The following MATN2 variants were observed in gnomAD, a reference collection of about 807,000 sequenced individuals.
The protein encoded by MATN2 is matrilin-2.
A neutral mutation model predicts 103.2 loss-of-function variants in MATN2; 69 were observed. The observed-to-expected ratio is 0.67, with a 90% CI of 0.55 to 0.82. The LOEUF is 0.82. MATN2 is among the 40% of genes least tolerant of loss of function. The pLI is 0.00. For synonymous variants in MATN2, 429 were observed against 450.2 expected, an observed-to-expected ratio of 0.95 and a Z score of 0.60; for missense variants, 1,023 against 1,211.5, an observed-to-expected ratio of 0.84 and a Z score of 2.31.
chr8:97,939,906 T>G (rs1416963243), intron 3 of MATN2, among the ~76,000 whole-genome samples: 2 of 152,190 alleles, frequency 1.3e-5, no homozygotes, highest in Admixed American at 6.5e-5. Flanking sequence ...TGATAGAATC[T>G]GTGATTAACG....
chr8:97,956,077 G>A (rs947705244), intron 4 of MATN2, among the ~76,000 whole-genome samples: 1 of 152,256 alleles, frequency 6.6e-6, no homozygotes, highest in African/African-American at 2.4e-5. Context: ...TGAAGAGACG[G>A]TGTTACAGCC....
chr8:97,889,586 G>C (rs1818562869), intron 2 of MATN2, among the ~76,000 whole-genome samples: 1 of 151,346 alleles, frequency 6.6e-6, no homozygotes, highest in Non-Finnish European at 1.5e-5. Flanking sequence ...TGGGTTTACA[G>C]GGGCACAACA....
At position 98,033,678 on chromosome 8, in the gene MATN2, A is replaced by G; in HGVS notation, c.2815+19A>G. 1 of 1,435,392 alleles carries G rather than the reference A, an allele frequency of 7.0e-7. No individual in the cohort carries two copies. 88.9% of individuals were successfully genotyped at this position (1,435,392 alleles called of 1,614,324 possible). On this transcript the variant is annotated intron_variant, in intron 18 of 18. Transcript: ENST00000254898. ...CAGCGCTATATCCTTTTCTTGCATT[A>G]TGCTTCTGTATGGAATGCAAAGAAT...
rs748432482 is a variant in MATN2, at chr8:98,016,613, C to T, written c.1647C>T (p.Cys549=). 1.1e-5 allele frequency: 18 copies of T among 1,611,940 alleles called. No homozygotes were observed. The highest frequency in any genetic ancestry group is 1.6e-4 in the Middle Eastern group (1 of 6,082). ...TAAGCAGTGAAGATTCGTTTGTGTG[C>T]CAGTGCTTTGAAGGTTATATACTCC... ...SCVSSEDSFV[C]QCFEGYILRE... Residue 549 remains cysteine (C), a synonymous_variant, in exon 11 of 19, where the codon TGC becomes TGT. Coordinates refer to ENST00000254898, the MANE Select transcript of MATN2 (RefSeq NM_002380.5).
Position 98,007,261 on chromosome 8 carries a change from G to A in MATN2, c.1450+34G>A. On this transcript the variant is annotated intron_variant, in intron 9 of 18. Transcript: ENST00000254898. This position sits in a 1 kb window ranked among gnomAD's most constrained non-coding sequence, Gnocchi z 4.2. The stretch of plus-strand genomic sequence containing the variant: ...CTCCGCGCTCCTCTCATAGGGGAAG[G>A]TTTGCACCAGGAGTGAAACCTATGT... The A allele has an allele frequency of 6.2e-7, 1 of 1,612,530 alleles. No individual in the cohort carries two copies. Among genetic ancestry groups the A allele is most frequent in the Non-Finnish European group, 8.5e-7 (1 of 1,179,284 alleles).
At chr8:97,948,801 A>T (rs1044067507) in intron 4 of MATN2, among the ~76,000 whole-genome samples, 6 of 152,246 alleles carry the variant, frequency 3.9e-5, no homozygotes, top group African/African-American at 1.2e-4. Flanking sequence ...TGATGACCTC[A>T]GGTTGGCAAA....
chr8:97,963,939 T>A (rs761796143), intron 5 of MATN2, among the ~76,000 whole-genome samples: 7 of 152,198 alleles, frequency 4.6e-5, no homozygotes, highest in Non-Finnish European at 7.3e-5. Flanking sequence ...TCAATAGGGC[T>A]ATGGTGAGTA....
intron 3 of MATN2, among the ~76,000 whole-genome samples, chr8:97,941,031 A>AG (rs1810535775): frequency 6.6e-6 from 1 of 151,920 alleles, no homozygotes; most frequent in Non-Finnish European, 1.5e-5. Context: ...GCATGGTGGC[A>AG]CACGCCCATA....
chr8:98,034,438 A>C, intron 18 of MATN2: 1 of 279,624 alleles, frequency 3.6e-6, no homozygotes, highest in Non-Finnish European at 7.5e-6. Context: ...CTCTGTGCCA[A>C]TGGGCTTATG....
intron 3 of MATN2, among the ~76,000 whole-genome samples, chr8:97,934,748 G>A (rs1810317369): frequency 6.6e-6 from 1 of 152,178 alleles, no homozygotes; most frequent in Non-Finnish European, 1.5e-5. Flanking sequence ...CAAGAGAAAA[G>A]GAGCAGGTAG....
chr8:98,017,052 A>G (rs1563728430), intron 11 of MATN2, among the ~76,000 whole-genome samples: 1 of 152,216 alleles, frequency 6.6e-6, no homozygotes, highest in African/African-American at 2.4e-5. Flanking sequence ...AAACAAAAAA[A>G]GTCAATGCCA....
chr8:97,971,780 G>T (rs1008318306), intron 5 of MATN2, among the ~76,000 whole-genome samples: 3 of 152,074 alleles, frequency 2.0e-5, no homozygotes, highest in Admixed American at 6.6e-5. Context: ...GAGTGGACTT[G>T]AAATACATTT....
intron 5 of MATN2, among the ~76,000 whole-genome samples, chr8:97,964,788 C>G (rs888961441): frequency 5.9e-5 from 9 of 152,040 alleles, no homozygotes; most frequent in African/African-American, 2.2e-4. Flanking sequence ...GACTGGAGTA[C>G]AGTGGCGCGA....
At chr8:97,961,058 G>A (rs1333190596) in intron 4 of MATN2, among the ~76,000 whole-genome samples, 4 of 151,982 alleles carry the variant, frequency 2.6e-5, no homozygotes, top group South Asian at 2.1e-4. Flanking sequence ...CAAGTGATCC[G>A]CCCACCTCGG....
intron 3 of MATN2, 54 bp from the exon 4 acceptor site, chr8:97,941,723 T>A: frequency 6.5e-7 from 1 of 1,539,240 alleles, no homozygotes; most frequent in Non-Finnish European, 8.8e-7. Context: ...CTGGCTGGAA[T>A]GGAGTGAGAA....
At chr8:97,896,987 G>C (rs1818833661) in intron 2 of MATN2, among the ~76,000 whole-genome samples, 1 of 152,048 alleles carries the variant, frequency 6.6e-6, no homozygotes, top group South Asian at 2.1e-4. Context: ...GACAGGGCTG[G>C]GCAGTGGGAT....
chr8:97,972,959 A>C (rs1471031675), intron 5 of MATN2, among the ~76,000 whole-genome samples: 1 of 152,258 alleles, frequency 6.6e-6, no homozygotes, highest in African/African-American at 2.4e-5. Context: ...ACCTCCATAC[A>C]TCTGCCTCCC....
At chr8:97,965,551 A>T (rs1292289760) in intron 5 of MATN2, among the ~76,000 whole-genome samples, 1 of 152,218 alleles carries the variant, frequency 6.6e-6, no homozygotes, top group Non-Finnish European at 1.5e-5. Context: ...AAGTGACTCT[A>T]GGCCAGGTAC....
chr8:97,905,432 T>G (rs955900931), intron 2 of MATN2, among the ~76,000 whole-genome samples: 4 of 152,170 alleles, frequency 2.6e-5, no homozygotes, highest in Non-Finnish European at 4.4e-5. Flanking sequence ...TACTTTTTTC[T>G]CTATGAATTT....
Sources: allele counts gnomAD v4.1 joint callset (sites outside exome capture counted in the v4.1 genomes callset), GRCh38; gene constraint gnomAD v4.1.1; non-coding constraint Gnocchi (gnomAD v3.1); transcripts MANE v1.5; gene names NCBI Gene and HGNC (gene_info 2026-07-23, HGNC 2026-07-21).